Variants in PEX3 observed in about 807,000 individuals in gnomAD.
PEX3 encodes the protein peroxisomal biogenesis factor 3.
Under a neutral mutation model 55.8 loss-of-function variants are expected in PEX3, and 30 were observed. That is an observed-to-expected ratio of 0.54 (90% CI 0.40 to 0.73). The LOEUF (loss-of-function observed/expected upper bound fraction) is 0.73. Ranked by LOEUF, PEX3 falls within the 30% of genes least tolerant of loss-of-function variation. The pLI is 0.00. For synonymous variants in PEX3, 135 were observed against 148.4 expected, an observed-to-expected ratio of 0.91 and a Z score of 0.66; for missense variants, 351 against 432.8, an observed-to-expected ratio of 0.81 and a Z score of 1.68.
chr6:143,465,136 G>C lies in PEX3; in HGVS notation c.287+2139G>C, dbSNP rs891045022. 2.6e-5 allele frequency among the ~76,000 whole-genome samples: 4 copies of C among 151,894 alleles called. No individual in the cohort carries two copies. Among genetic ancestry groups the C allele is most frequent in the African/African-American group, 9.7e-5 (4 of 41,404 alleles). On this transcript the variant is annotated intron_variant, in intron 3 of 11. Coordinates refer to ENST00000367591, the MANE Select transcript of PEX3 (RefSeq NM_003630.3). This position sits in a 1 kb window ranked among gnomAD's most constrained non-coding sequence, Gnocchi z 4.7. ...TCTTTACTTTTTATTTCTCCATGAA[G>C]GTATTTTAGTGACATTAAAGAGTCT... is the stretch of plus-strand genomic sequence containing the variant.
chr6:143,481,856 A>C (rs1199702154), intron 10 of PEX3, among the ~76,000 whole-genome samples: 1 of 152,224 alleles, frequency 6.6e-6, no homozygotes, highest in Non-Finnish European at 1.5e-5. Flanking sequence ...TGTCTCTACA[A>C]AAATTTTTAA....
Position 143,471,165 on chromosome 6 carries a change from T to C in PEX3, c.456+80T>C. On this transcript the variant is annotated intron_variant, in intron 5 of 11. Coordinates refer to ENST00000367591, the MANE Select transcript of PEX3 (RefSeq NM_003630.3). This position sits in a 1 kb window ranked among gnomAD's most constrained non-coding sequence, Gnocchi z 5.4. ...TTAACTTATTTATCCTGATAACAAT[T>C]TCTATGAAATAAATATTTTTATATT... 8.1e-7 allele frequency: 1 copy of C among 1,231,162 alleles called. No homozygotes were observed. Among genetic ancestry groups the C allele is most frequent in the East Asian group, 2.3e-5 (1 of 42,574 alleles). The allele number at this position is 1,231,162 out of a possible 1,614,324, so 76.3% of individuals were successfully genotyped here.
Position 143,472,148 on chromosome 6 carries a change from C to T in PEX3, c.579-12C>T, listed in dbSNP as rs368745266. On this transcript the variant is annotated splice_polypyrimidine_tract_variant and intron_variant, in intron 7 of 11. Coordinates refer to ENST00000367591, the MANE Select transcript of PEX3 (RefSeq NM_003630.3). ...TTTCTATTTATCCCAATTCCCTTTT[C>T]TCTGTTTCTAGTGTTTCTCTTAAAC... 9 of 1,577,218 alleles carry T rather than the reference C, an allele frequency of 5.7e-6. No homozygotes were observed. Among genetic ancestry groups the T allele is most frequent in the Non-Finnish European group, 7.8e-6 (9 of 1,147,086 alleles).
intron 9 of PEX3, 94 bp from the exon 10 acceptor site, chr6:143,478,982 T>C (rs189685434): frequency 1.1e-5 from 8 of 730,976 alleles, no homozygotes; most frequent in Non-Finnish European, 2.0e-5. Flanking sequence ...ACTAGAAATG[T>C]TGGTGGCTTT....
intron 2 of PEX3, among the ~76,000 whole-genome samples, chr6:143,461,930 A>G (rs1185955578): frequency 6.6e-6 from 1 of 152,202 alleles, no homozygotes; most frequent in Non-Finnish European, 1.5e-5. Flanking sequence ...CCTGGGTGAC[A>G]GTGTGAGATT....
At chr6:143,478,959 G>A (rs895296572) in intron 9 of PEX3, 117 bp from the exon 10 acceptor site, 1 of 646,674 alleles carries the variant, frequency 1.5e-6, no homozygotes, top group Non-Finnish European at 2.8e-6. Flanking sequence ...ATATTTTACA[G>A]TATTAGATTA....
intron 2 of PEX3, among the ~76,000 whole-genome samples, chr6:143,461,863 G>A (rs1409436201): frequency 6.6e-6 from 1 of 152,160 alleles, no homozygotes; most frequent in Non-Finnish European, 1.5e-5. Flanking sequence ...CAGGAGGATC[G>A]CTTGAGCCCA....
Position 143,487,172 on chromosome 6 carries a change from G to A in PEX3, c.1038+1924G>A, listed in dbSNP as rs1414345906. On this transcript the variant is annotated intron_variant, in intron 11 of 11. Transcript: ENST00000367591. This position sits in a 1 kb window ranked among gnomAD's most constrained non-coding sequence, Gnocchi z 5.3. ...TGCTTTCAGATAACATAAGGAAAGA[G>A]CTTTTATAGTGTGAACCAACCCTAT... Among the ~76,000 whole-genome samples the A allele has an allele frequency of 6.6e-6, 1 of 152,170 alleles. No homozygotes were observed. Among genetic ancestry groups the A allele is most frequent in the African/African-American group, 2.4e-5 (1 of 41,452 alleles).
At chr6:143,478,214 T>G (rs1182591278) in intron 9 of PEX3, among the ~76,000 whole-genome samples, 1 of 152,028 alleles carries the variant, frequency 6.6e-6, no homozygotes, top group Non-Finnish European at 1.5e-5. Flanking sequence ...TCCAGAAAAC[T>G]ATATAGACCA....
intron 3 of PEX3, 52 bp from the exon 4 acceptor site, chr6:143,468,070 C>G (rs940771315): frequency 1.0e-6 from 1 of 958,994 alleles, no homozygotes; most frequent in Admixed American, 2.0e-5. Context: ...TCAGAGTTTT[C>G]TATTAGATTA....
Position 143,464,569 on chromosome 6 carries a change from G to A in PEX3, c.287+1572G>A, listed in dbSNP as rs1779969621. 1.3e-5 allele frequency among the ~76,000 whole-genome samples: 2 copies of A among 151,622 alleles called. No individual in the cohort carries two copies. The highest frequency in any genetic ancestry group is 3.0e-5 in the Non-Finnish European group (2 of 67,780). ...AGATGTGATTCTTTTTTTCTTAATCGGTACACAGGGAGGAGAATTTCTTAA... is the reference window on the plus strand; with the variant it reads ...AGATGTGATTCTTTTTTTCTTAATCAGTACACAGGGAGGAGAATTTCTTAA... On this transcript the variant is annotated intron_variant, in intron 3 of 11. Transcript: ENST00000367591. This position sits in a 1 kb window ranked among gnomAD's most constrained non-coding sequence, Gnocchi z 5.8.
chr6:143,471,069 T>C lies in PEX3; in HGVS notation c.440T>C (p.Val147Ala), dbSNP rs1302533973. ...GGYIYLDNAA[V>A]GKNGTTILAP... ...TATATTTACCTGGATAATGCAGCAG[T>C]TGGCAAAAATGGCACTGTAAGTTTA... The change falls in exon 5 of 12, where the codon GTT becomes GCT. Residue 147 changes from valine (V) to alanine (A), a missense_variant. Coordinates refer to ENST00000367591, the MANE Select transcript of PEX3 (RefSeq NM_003630.3). This position sits in a 1 kb window ranked among gnomAD's most constrained non-coding sequence, Gnocchi z 5.4. The C allele has an allele frequency of 1.2e-6, 2 of 1,613,640 alleles. No individual in the cohort carries two copies. The highest frequency in any genetic ancestry group is 1.7e-6 in the Non-Finnish European group (2 of 1,179,682).
rs181936427 is a variant in PEX3, at chr6:143,490,537, C to T, written c.*1311C>T. ...AAGATGGCTGTGCCACTCACATATGCTAATCTTGGCAAATCTGCCAAGCAT... is the reference window on the plus strand; with the variant it reads ...AAGATGGCTGTGCCACTCACATATGTTAATCTTGGCAAATCTGCCAAGCAT... On this transcript the variant is annotated 3_prime_UTR_variant, in exon 12 of 12. Coordinates refer to ENST00000367591, the MANE Select transcript of PEX3 (RefSeq NM_003630.3). The surrounding 1 kb of genome is among the most constrained non-coding windows in gnomAD (Gnocchi z 6.0). 6.2e-4 allele frequency: 253 copies of T among 406,294 alleles called. 1 individual carries two copies. The highest frequency in any genetic ancestry group is 4.9e-3 in the African/African-American group (230 of 46,772). 25.2% of individuals were successfully genotyped at this position (406,294 alleles called of 1,614,324 possible).
At position 143,483,552 on chromosome 6, in the gene PEX3, C is replaced by T. The variant is rs1780270847; in HGVS notation, c.942-1600C>T. On this transcript the variant is annotated intron_variant, in intron 10 of 11. Transcript: ENST00000367591. This position sits in a 1 kb window ranked among gnomAD's most constrained non-coding sequence, Gnocchi z 4.3. ...TGGCATGGTAGCTGAATACATAGAACAAGAGTGGTGTCAGACAAAGCTGGA... is the reference window on the plus strand; with the variant it reads ...TGGCATGGTAGCTGAATACATAGAATAAGAGTGGTGTCAGACAAAGCTGGA... Among the ~76,000 whole-genome samples the T allele has an allele frequency of 6.6e-6, 1 of 152,080 alleles. No homozygotes were observed. Among genetic ancestry groups the T allele is most frequent in the Non-Finnish European group, 1.5e-5 (1 of 68,016 alleles).
rs1367712534 is a variant in PEX3, at chr6:143,457,040, A to G, written c.74-2045A>G. On this transcript the variant is annotated intron_variant, in intron 1 of 11. Transcript: ENST00000367591. ...TTAAAGCAGTGGACCTTCTCCCCAG[A>G]GAAACACACCAATCAAATTTACTAT... Among the ~76,000 whole-genome samples the G allele has an allele frequency of 2.0e-5, 3 of 152,246 alleles. No individual in the cohort carries two copies. In the East Asian group the frequency reaches 5.8e-4, roughly 29 times the overall value.
chr6:143,467,763 C>CA (rs960462209), intron 3 of PEX3, among the ~76,000 whole-genome samples: 32 of 151,694 alleles, frequency 2.1e-4, no homozygotes, highest in Non-Finnish European at 2.9e-4. Flanking sequence ...GATCGTAAAA[C>CA]AAAAAAAACT....
chr6:143,468,874 T>C (rs1057023285), intron 4 of PEX3, among the ~76,000 whole-genome samples: 5 of 139,320 alleles, frequency 3.6e-5, no homozygotes, highest in Admixed American at 7.7e-5. Context: ...CACCCTGTGT[T>C]CAAGTGTTCT....
rs568603561 is a variant in PEX3 at position 143,475,172 on chromosome 6, A to G, written c.818+316A>G. On this transcript the variant is annotated intron_variant, in intron 9 of 11. Coordinates refer to ENST00000367591, the MANE Select transcript of PEX3 (RefSeq NM_003630.3). The surrounding 1 kb of genome is among the most constrained non-coding windows in gnomAD (Gnocchi z 4.4). The stretch of plus-strand genomic sequence containing the variant: ...ATTTCATGAAGCTCTGGAGAAGGTC[A>G]TCAGTGATCTTTTGCCATATCCAAT... Among the ~76,000 whole-genome samples, 1 of 152,288 alleles carries G rather than the reference A, an allele frequency of 6.6e-6. No individual in the cohort carries two copies. The highest frequency in any genetic ancestry group is 1.9e-4 in the East Asian group (1 of 5,168).
At position 143,479,112 on chromosome 6, in the gene PEX3, C is replaced by T. The variant is rs998759519; in HGVS notation, c.855C>T (p.Asn285=). 1.3e-6 allele frequency: 2 copies of T among 1,589,696 alleles called. No individual in the cohort carries two copies. The highest frequency in any genetic ancestry group is 1.3e-5 in the African/African-American group (1 of 74,372). Residue 285 remains asparagine, a synonymous_variant, in exon 10 of 12, where the codon AAC becomes AAT. Transcript: ENST00000367591. This position sits in a 1 kb window ranked among gnomAD's most constrained non-coding sequence, Gnocchi z 4.6. The part of the protein sequence containing the change: ...DFSTVLNTCL[N]RGFSRLLDNM... The stretch of plus-strand genomic sequence containing the variant: ...GTACAGTTTTGAATACCTGTTTAAA[C>T]CGAGGTTTTAGTAGACTTCTAGACA...
Sources: allele counts gnomAD v4.1 joint callset (sites outside exome capture counted in the v4.1 genomes callset), GRCh38; gene constraint gnomAD v4.1.1; non-coding constraint Gnocchi (gnomAD v3.1); transcripts MANE v1.5; gene names NCBI Gene and HGNC (gene_info 2026-07-23, HGNC 2026-07-21).